Variants in MAGI1 observed in about 807,000 individuals in gnomAD.
MAGI1 encodes membrane associated guanylate kinase, WW and PDZ domain containing 1.
A neutral mutation model predicts 139.9 loss-of-function variants in MAGI1; 58 were observed. The observed-to-expected ratio is 0.41, with a 90% CI of 0.34 to 0.52. MAGI1 has a LOEUF of 0.52. Ranked by LOEUF, MAGI1 falls within the 20% of genes least tolerant of loss-of-function variation. The pLI is 0.12. For synonymous variants in MAGI1, 812 were observed against 737.9 expected (o/e 1.10, Z -1.63); for missense variants, 1,874 against 1,901.6 (o/e 0.99, Z 0.27).
At chr3:65,379,053 A>G in intron 17 of MAGI1, 1 of 998,778 alleles carries the variant, frequency 1.0e-6, no homozygotes, top group Admixed American at 2.4e-5. Flanking sequence ...TCAGTGTGGA[A>G]GTTGAAAGGG....
intron 2 of MAGI1, among the ~76,000 whole-genome samples, chr3:65,568,410 T>G (rs2108054518): frequency 6.6e-6 from 1 of 152,288 alleles, no homozygotes; most frequent in Non-Finnish European, 1.5e-5. Flanking sequence ...AGGTAAAACC[T>G]TAACCATCAT....
intron 2 of MAGI1, among the ~76,000 whole-genome samples, chr3:65,590,689 T>C (rs908798020): frequency 6.6e-6 from 1 of 152,150 alleles, no homozygotes; most frequent in African/African-American, 2.4e-5. Context: ...CCTCAAGCAA[T>C]TAGTCTGTCC....
chr3:65,919,348 A>G (rs778623303), intron 1 of MAGI1, among the ~76,000 whole-genome samples: 26 of 152,178 alleles, frequency 1.7e-4, no homozygotes, highest in Non-Finnish European at 3.5e-4. Flanking sequence ...CGATCGTTTG[A>G]GCCCAGGAGT....
chr3:65,850,537 T>C (rs920691244), intron 1 of MAGI1, among the ~76,000 whole-genome samples: 1 of 151,980 alleles, frequency 6.6e-6, no homozygotes, highest in African/African-American at 2.4e-5. Context: ...TCTAAAAGAG[T>C]TTTCCATTAA....
intron 2 of MAGI1, among the ~76,000 whole-genome samples, chr3:65,586,855 C>G (rs1319196417): frequency 6.6e-6 from 1 of 151,810 alleles, no homozygotes; most frequent in African/African-American, 2.4e-5. Flanking sequence ...AAAATGCAAA[C>G]AGGGCACAGG....
chr3:65,536,571 A>G (rs1345255990), intron 2 of MAGI1, among the ~76,000 whole-genome samples: 1 of 152,112 alleles, frequency 6.6e-6, no homozygotes, highest in African/African-American at 2.4e-5. Flanking sequence ...GTTTCAGTCT[A>G]TCTAGTCACT....
At chr3:65,442,881 G>A in intron 7 of MAGI1, 32 bp from the exon 8 acceptor site, 6 of 1,567,786 alleles carry the variant, frequency 3.8e-6, no homozygotes, top group South Asian at 1.1e-5. Flanking sequence ...AGGGCAAGAA[G>A]AGCATATTCT....
At chr3:65,773,090 G>C (rs2038086539) in intron 1 of MAGI1, among the ~76,000 whole-genome samples, 1 of 152,118 alleles carries the variant, frequency 6.6e-6, no homozygotes, top group African/African-American at 2.4e-5. Context: ...ACTGTTGTAA[G>C]AAATAAATGA....
intron 1 of MAGI1, among the ~76,000 whole-genome samples, chr3:66,018,112 G>T (rs771715387): frequency 3.3e-5 from 4 of 121,752 alleles, no homozygotes; most frequent in East Asian, 4.1e-4. Flanking sequence ...GGACACTTTG[G>T]TGGGGGGGGG....
chr3:65,434,254 A>C (rs1427087469), intron 10 of MAGI1, among the ~76,000 whole-genome samples: 1 of 152,182 alleles, frequency 6.6e-6, no homozygotes, highest in East Asian at 1.9e-4. Flanking sequence ...CCTATTTCAC[A>C]TGATAGTTGT....
At chr3:65,496,397 G>C (rs1348348482) in intron 2 of MAGI1, among the ~76,000 whole-genome samples, 1 of 152,098 alleles carries the variant, frequency 6.6e-6, no homozygotes, top group Non-Finnish European at 1.5e-5. Flanking sequence ...TCGGAGAGTA[G>C]GGCAGGAGGT....
At chr3:65,462,397 T>C (rs1575841765) in intron 5 of MAGI1, among the ~76,000 whole-genome samples, 2 of 152,326 alleles carry the variant, frequency 1.3e-5, no homozygotes, top group African/African-American at 4.8e-5. Context: ...ATTGCTTGTT[T>C]TTGTCAGGTT....
chr3:65,575,542 G>T (rs1355406733), intron 2 of MAGI1, among the ~76,000 whole-genome samples: 1 of 152,060 alleles, frequency 6.6e-6, no homozygotes, highest in Non-Finnish European at 1.5e-5. Flanking sequence ...AGAAATGAAA[G>T]CATACATCCA....
chr3:65,643,889 C>T (rs559992427), intron 1 of MAGI1, among the ~76,000 whole-genome samples: 1 of 152,260 alleles, frequency 6.6e-6, no homozygotes, highest in African/African-American at 2.4e-5. Context: ...CTCTGCTCCT[C>T]ATTCTGGGGT....
rs1940088778 is a variant in MAGI1, at chr3:65,353,681, C to T, written c.*2697G>A. 1 of 152,120 alleles carries T rather than the reference C, an allele frequency of 6.6e-6. No individual in the cohort carries two copies. Among genetic ancestry groups the T allele is most frequent in the Non-Finnish European group, 1.5e-5 (1 of 68,026 alleles). The allele number at this position is 152,120 out of a possible 1,614,324, so 9.4% of individuals were successfully genotyped here. A position where few individuals can be genotyped will look rare whatever the true frequency, so the allele number is the denominator to read the frequency against. On this transcript the variant is annotated 3_prime_UTR_variant, in exon 23 of 23. Transcript: ENST00000402939. ...CTGTGTAACGGAGGGAGACAAATTC[C>T]TAAATCGTTTGATTTCATCATACAA...
At chr3:65,464,074 T>C (rs1950004219) in intron 5 of MAGI1, among the ~76,000 whole-genome samples, 1 of 152,182 alleles carries the variant, frequency 6.6e-6, no homozygotes, top group African/African-American at 2.4e-5. Flanking sequence ...CTTGAATGAC[T>C]TTAGGGTCCA....
intron 12 of MAGI1, among the ~76,000 whole-genome samples, chr3:65,414,437 G>T (rs948494648): frequency 6.6e-6 from 1 of 152,186 alleles, no homozygotes; most frequent in African/African-American, 2.4e-5. Context: ...CTTTCTTCCT[G>T]AATGAAGATC....
intron 1 of MAGI1, among the ~76,000 whole-genome samples, chr3:65,673,100 T>G (rs572778241): frequency 5.3e-5 from 8 of 152,302 alleles, no homozygotes; most frequent in African/African-American, 1.7e-4. Flanking sequence ...GTTGCACTTG[T>G]GCCTGGGCTT....
chr3:65,647,391 T>C (rs2085325665), intron 1 of MAGI1, among the ~76,000 whole-genome samples: 1 of 152,148 alleles, frequency 6.6e-6, no homozygotes, highest in Non-Finnish European at 1.5e-5. Flanking sequence ...TTTATGAACC[T>C]AGTATTACTC....
Sources: gnomAD v4.1 joint callset for allele counts (sites outside exome capture counted in the v4.1 genomes callset) on GRCh38, gnomAD v4.1.1 for gene constraint, MANE v1.5 for transcripts, NCBI Gene and HGNC (gene_info 2026-07-23, HGNC 2026-07-21) for gene names.